The following NEFH variants were observed in gnomAD, a reference collection of about 807,000 sequenced individuals.
NEFH encodes the protein neurofilament heavy polypeptide.
Under a neutral mutation model 56.6 loss-of-function variants are expected in NEFH, and 58 were observed. That is an observed-to-expected ratio of 1.03 (90% CI 0.83 to 1.28). The LOEUF is 1.28. Among genes scored for constraint, NEFH ranks in the 50% most tolerant of loss-of-function variants. NEFH has a pLI of 0.00. For missense variants in NEFH, 1,221 were observed against 1,307.6 expected, an observed-to-expected ratio of 0.93 and a Z score of 1.02; for synonymous variants, 542 against 545.8, an observed-to-expected ratio of 0.99 and a Z score of 0.10.
rs1425774574 is a variant in NEFH, at chr22:29,480,871, G to A, written c.609G>A (p.Ala203=). 2 of 1,408,458 alleles carry A rather than the reference G, an allele frequency of 1.4e-6. No individual in the cohort carries two copies. Among genetic ancestry groups the A allele is most frequent in the Non-Finnish European group, 1.8e-6 (2 of 1,094,190 alleles). The allele number at this position is 1,408,458 out of a possible 1,614,324, so 87.2% of individuals were successfully genotyped here. A position where few individuals can be genotyped will look rare whatever the true frequency, so the allele number is the denominator to read the frequency against. Residue 203 remains alanine (A), a synonymous_variant, in exon 1 of 4, where the codon GCG becomes GCA. Coordinates refer to ENST00000310624, the MANE Select transcript of NEFH (RefSeq NM_021076.4). ...EEAEAAARAL[A]RFAQEAEAAR... ...CCGAGGCGGCGGCCCGCGCGCTGGC[G>A]CGCTTCGCGCAGGAGGCCGAGGCGG...
At position 29,485,713 on chromosome 22, in the gene NEFH, T is replaced by G; in HGVS notation, c.1084-10T>G. The G allele has an allele frequency of 2.5e-6, 4 of 1,613,474 alleles. No individual in the cohort carries two copies. The highest frequency in any genetic ancestry group is 3.4e-6 in the Non-Finnish European group (4 of 1,179,692). Reference sequence around the variant, plus strand: ...GCTGGCATGTGATGTGTGTCACCTCTCCTTCCCAGGAAGCCATTCAGCAGC... The same window carrying G: ...GCTGGCATGTGATGTGTGTCACCTCGCCTTCCCAGGAAGCCATTCAGCAGC... On this transcript the variant is annotated splice_polypyrimidine_tract_variant and intron_variant, in intron 2 of 3. Transcript: ENST00000310624.
rs756160718 is a variant in NEFH, at chr22:29,490,767, T to C, written c.*64T>C. The C allele has an allele frequency of 3.7e-6, 6 of 1,604,720 alleles. No individual in the cohort carries two copies. In the African/African-American group the frequency reaches 8.0e-5, roughly 22 times the overall value. On this transcript the variant is annotated 3_prime_UTR_variant, in exon 4 of 4. Coordinates refer to ENST00000310624, the MANE Select transcript of NEFH (RefSeq NM_021076.4). ...TCAGAAGAGTCCCGGAGCTCAAGGA[T>C]CAGAGTAACACAATTTTCACTTTTT...
chr22:29,485,081 C>T (rs531180687), intron 2 of NEFH, among the ~76,000 whole-genome samples: 1 of 152,238 alleles, frequency 6.6e-6, no homozygotes, highest in South Asian at 2.1e-4. Flanking sequence ...AGTGATCCTC[C>T]TTCCTCAGCC....
Position 29,489,015 on chromosome 22 carries a change from G to A in NEFH, c.1375G>A (p.Glu459Lys), listed in dbSNP as rs59297913. ...TGAGAAAGAAACTGTGATTGTGGAG[G>A]AACAGACAGAGGAGACCCAAGTGAC... ...KSEKETVIVE[E>K]QTEETQVTEE... Residue 459 changes from glutamate to lysine, a missense_variant, in exon 4 of 4, where the codon GAA becomes AAA. Coordinates refer to ENST00000310624, the MANE Select transcript of NEFH (RefSeq NM_021076.4). 1.9e-6 allele frequency: 3 copies of A among 1,614,196 alleles called. No homozygotes were observed. Among genetic ancestry groups the A allele is most frequent in the Non-Finnish European group, 2.5e-6 (3 of 1,180,030 alleles).
Position 29,490,645 on chromosome 22 carries a change from A to C in NEFH, c.3005A>C (p.Gln1002Pro). ...EKAEKSSSTD[Q>P]KDSKPPEKAT... ...GCTGAAAAATCCTCCAGCACAGACC[A>C]AAAAGACAGCAAGCCTCCAGAGAAG... is the stretch of plus-strand genomic sequence containing the variant. Residue 1002 changes from glutamine (Q) to proline (P), a missense_variant, in exon 4 of 4, where the codon CAA (glutamine) becomes CCA (proline). By Grantham distance (76) the Gln-to-Pro change is moderately conservative (BLOSUM62 -1). Transcript: ENST00000310624. The C allele has an allele frequency of 1.2e-6, 2 of 1,614,182 alleles. No homozygotes were observed. The highest frequency in any genetic ancestry group is 1.7e-6 in the Non-Finnish European group (2 of 1,180,032).
rs1602960932 is a variant in NEFH, at chr22:29,480,879, C to T, written c.617C>T (p.Ala206Val). The T allele has an allele frequency of 1.4e-6, 2 of 1,430,848 alleles. No homozygotes were observed. The highest frequency in any genetic ancestry group is 1.8e-6 in the Non-Finnish European group (2 of 1,104,958). 88.6% of individuals were successfully genotyped at this position (1,430,848 alleles called of 1,614,324 possible). ...EAAARALARF[A>V]QEAEAARVDL... is the part of the protein sequence containing the mutation. The stretch of plus-strand genomic sequence containing the variant: ...GCGGCCCGCGCGCTGGCGCGCTTCG[C>T]GCAGGAGGCCGAGGCGGCGCGCGTG... The change falls in exon 1 of 4, where the codon GCG (alanine) becomes GTG (valine). Residue 206 changes from alanine (A) to valine (V), a missense_variant. Ala to Val is a moderately conservative substitution (Grantham distance 64, BLOSUM62 0). Around this residue, in one of 4 missense-constraint regions of NEFH, gnomAD observed 640 missense variants for 555.5 expected, o/e 1.15. Transcript: ENST00000310624.
Position 29,480,421 on chromosome 22 carries a change from G to A in NEFH, c.159G>A (p.Thr53=), listed in dbSNP as rs1205368020. ...SSSGFHSWTR[T]SVSSVSASPS... ...GCGGCTTCCACTCGTGGACACGGAC[G>A]TCCGTGAGCTCCGTGTCCGCCTCGC... Residue 53 remains threonine (T), a synonymous_variant, in exon 1 of 4, where the codon ACG becomes ACA. Transcript: ENST00000310624. 8 of 1,532,460 alleles carry A rather than the reference G, an allele frequency of 5.2e-6. No individual in the cohort carries two copies. The highest frequency in any genetic ancestry group is 2.0e-5 in the Admixed American group (1 of 50,924). 94.9% of individuals were successfully genotyped at this position (1,532,460 alleles called of 1,614,324 possible).
chr22:29,488,020 C>A (rs777454562), intron 3 of NEFH, among the ~76,000 whole-genome samples: 1 of 152,264 alleles, frequency 6.6e-6, no homozygotes, highest in African/African-American at 2.4e-5. Context: ...GAGAGACACT[C>A]GCGATTCAAA....
chr22:29,486,969 T>C (rs1170401242), intron 3 of NEFH, among the ~76,000 whole-genome samples: 1 of 152,210 alleles, frequency 6.6e-6, no homozygotes, highest in Non-Finnish European at 1.5e-5. Flanking sequence ...CTCTGTCCTT[T>C]AGAGTTTCTT....
At position 29,490,039 on chromosome 22, in the gene NEFH, A is replaced by G; in HGVS notation, c.2399A>G (p.Lys800Arg). ...KEEVKSPEKA[K>R]SPLKEDAKAP... ...GAGGTCAAGTCCCCAGAGAAGGCGA[A>G]ATCTCCCCTGAAGGAGGATGCCAAG... The change falls in exon 4 of 4, where the codon AAA becomes AGA. Residue 800 changes from lysine to arginine, a missense_variant. Physicochemically the swap from Lys to Arg is conservative, Grantham distance 26. Around this residue, in one of 4 missense-constraint regions of NEFH, gnomAD observed 301 missense variants for 346.6 expected, o/e 0.87. Coordinates refer to ENST00000310624, the MANE Select transcript of NEFH (RefSeq NM_021076.4). 1 of 1,613,766 alleles carries G rather than the reference A, an allele frequency of 6.2e-7. No individual in the cohort carries two copies. Among genetic ancestry groups the G allele is most frequent in the Non-Finnish European group, 8.5e-7 (1 of 1,179,882 alleles).
chr22:29,485,677 G>A, intron 2 of NEFH, 46 bp from the exon 3 acceptor site: 1 of 1,601,422 alleles, frequency 6.2e-7, no homozygotes, highest in Non-Finnish European at 8.5e-7. Context: ...GGTACTGAGG[G>A]CCAGACACTG....
intron 1 of NEFH, among the ~76,000 whole-genome samples, chr22:29,481,636 A>G (rs165821): frequency 0.12 from 18,631 of 152,156 alleles, 1,585 homozygotes; most frequent in South Asian, 0.17. Context: ...CTACCTGCTC[A>G]GTGCTTAACG....
At position 29,488,833 on chromosome 22, in the gene NEFH, G is replaced by A. The variant is rs200824193; in HGVS notation, c.1209-16G>A. On this transcript the variant is annotated splice_polypyrimidine_tract_variant and intron_variant, in intron 3 of 3. Transcript: ENST00000310624. ...CCCTGAGTTTATACTAATGTGTTCCGTGATCCATCCTGCAGAAAACTCCTG... is the reference window on the plus strand; with the variant it reads ...CCCTGAGTTTATACTAATGTGTTCCATGATCCATCCTGCAGAAAACTCCTG... 3.7e-4 allele frequency: 600 copies of A among 1,613,892 alleles called. 7 individuals carry two copies. The South Asian group carries it at 6.2e-3, about 17-fold the overall frequency.
intron 3 of NEFH, among the ~76,000 whole-genome samples, chr22:29,486,893 C>T (rs764790044): frequency 7.2e-5 from 11 of 152,324 alleles, no homozygotes; most frequent in Admixed American, 1.3e-4. Flanking sequence ...ATCCCCTCCC[C>T]AGATCCAGCC....
chr22:29,486,929 A>T (rs2063048184), intron 3 of NEFH, among the ~76,000 whole-genome samples: 1 of 152,180 alleles, frequency 6.6e-6, no homozygotes, highest in Non-Finnish European at 1.5e-5. Flanking sequence ...TTGAAGGGAA[A>T]AGAGGTGCTT....
intron 3 of NEFH, 42 bp downstream of exon 3, chr22:29,485,889 G>A: frequency 6.2e-7 from 1 of 1,612,988 alleles, no homozygotes; most frequent in Non-Finnish European, 8.5e-7. Context: ...GAAAGCTTGT[G>A]TTCCTGCGAG....
rs768522862 is a variant in NEFH, at chr22:29,490,646, A to G, written c.3006A>G (p.Gln1002=). 7.4e-6 allele frequency: 12 copies of G among 1,614,126 alleles called. No homozygotes were observed. Among genetic ancestry groups the G allele is most frequent in the Middle Eastern group, 1.6e-4 (1 of 6,062 alleles). ...CTGAAAAATCCTCCAGCACAGACCA[A>G]AAAGACAGCAAGCCTCCAGAGAAGG... ...EKAEKSSSTD[Q]KDSKPPEKAT... is the part of the protein sequence containing the mutation. The change falls in exon 4 of 4, where the codon CAA becomes CAG. Residue 1002 remains glutamine (Q), a synonymous_variant. Coordinates refer to ENST00000310624, the MANE Select transcript of NEFH (RefSeq NM_021076.4).
rs763384749 is a variant in NEFH at position 29,480,630 on chromosome 22, G to A, written c.368G>A (p.Arg123His). The A allele has an allele frequency of 2.6e-6, 4 of 1,563,518 alleles. No homozygotes were observed. Among genetic ancestry groups the A allele is most frequent in the Admixed American group, 1.8e-5 (1 of 54,186 alleles). Residue 123 changes from arginine (R) to histidine (H), a missense_variant, in exon 1 of 4, where the codon CGC becomes CAC. Around this residue, in one of 4 missense-constraint regions of NEFH, gnomAD observed 640 missense variants for 555.5 expected, o/e 1.15. Coordinates refer to ENST00000310624, the MANE Select transcript of NEFH (RefSeq NM_021076.4). Reference sequence around the variant, plus strand: ...GTGCGGCAGCTGGAGGCGCACAACCGCAGCCTGGAGGGCGAGGCTGCGGCG... The same window carrying A: ...GTGCGGCAGCTGGAGGCGCACAACCACAGCCTGGAGGGCGAGGCTGCGGCG... ...DKVRQLEAHN[R>H]SLEGEAAALR... is the part of the protein sequence containing the mutation.
Position 29,481,058 on chromosome 22 carries a change from G to T in NEFH, c.796G>T (p.Asp266Tyr). Residue 266 changes from aspartate (D) to tyrosine (Y), a missense_variant, in exon 1 of 4, where the codon GAC (aspartate) becomes TAC (tyrosine). Transcript: ENST00000310624. ...QAETRDALKC[D>Y]VTSALREIRA... ...CGAGACGCGCGACGCCCTGAAGTGC[G>T]ACGTGACGTCGGCGCTGCGCGAGAT... 6.5e-7 allele frequency: 1 copy of T among 1,532,026 alleles called. No homozygotes were observed. The highest frequency in any genetic ancestry group is 8.7e-7 in the Non-Finnish European group (1 of 1,145,662). 94.9% of individuals were successfully genotyped at this position (1,532,026 alleles called of 1,614,324 possible). A position where few individuals can be genotyped will look rare whatever the true frequency, so the allele number is the denominator to read the frequency against.
Sources: gnomAD v4.1 joint callset for allele counts (sites outside exome capture counted in the v4.1 genomes callset) on GRCh38, gnomAD v4.1.1 for gene constraint, gnomAD v4.1.1 regional missense constraint, MANE v1.5 for transcripts, NCBI Gene and HGNC (gene_info 2026-07-23, HGNC 2026-07-21) for gene names.